The following MTCL1 variants were observed in gnomAD, a reference collection of about 807,000 sequenced individuals.
MTCL1 encodes the protein microtubule cross-linking factor 1.
MTCL1 carries 79 observed loss-of-function variants against 141.4 expected under a neutral mutation model. The observed-to-expected ratio is 0.56, with a 90% CI of 0.47 to 0.67. MTCL1 has a LOEUF of 0.67. Ranked by LOEUF, MTCL1 falls within the 30% of genes least tolerant of loss-of-function variation. The pLI, the probability that MTCL1 is intolerant of heterozygous loss-of-function variation, is 0.00. For missense variants in MTCL1, 2,177 were observed against 2,113.9 expected, an observed-to-expected ratio of 1.03 and a Z score of -0.59; for synonymous variants, 914 against 875.8, an observed-to-expected ratio of 1.04 and a Z score of -0.77.
At position 8,813,472 on chromosome 18, in the gene MTCL1, G is replaced by C. The variant is rs945670949; in HGVS notation, c.2859+239G>C. On this transcript the variant is annotated intron_variant, in intron 12 of 16. Coordinates refer to ENST00000359865, the Ensembl canonical transcript of MTCL1. ...GGTAACTCTCCTATGTGTACATGTG[G>C]TAGTGGCAGAGCAGGGTGGGTGGGG... 2.1e-5 allele frequency among the ~76,000 whole-genome samples: 3 copies of C among 142,322 alleles called. No homozygotes were observed. In the South Asian group the frequency reaches 7.8e-4, roughly 37 times the overall value. The allele number at this position is 142,322 out of a possible 152,430, so 93.4% of individuals were successfully genotyped here.
At chr18:8,803,152 T>C (rs2076176798) in intron 10 of MTCL1, among the ~76,000 whole-genome samples, 1 of 87,676 alleles carries the variant, frequency 1.1e-5, no homozygotes, top group South Asian at 3.0e-4. Context: ...TTCTGCAAGG[T>C]AAAGTTTAAA....
chr18:8,821,404 ACAT>A, intron 13 of MTCL1, 60 bp from the exon 13 acceptor site: 1 of 1,039,894 alleles, frequency 9.6e-7, no homozygotes. Context: ...TCACTTAAGT[ACAT>A]TCAGGGCTTC....
At chr18:8,807,058 C>A in exon 11 of MTCL1, 1 of 1,611,994 alleles carries the variant, frequency 6.2e-7, no homozygotes, top group Non-Finnish European at 8.5e-7. Flanking sequence ...CCGTCTGGAA[C>A]AGGTACCACC....
chr18:8,746,627 C>T (rs537778918), intron 4 of MTCL1, among the ~76,000 whole-genome samples: 1 of 152,210 alleles, frequency 6.6e-6, no homozygotes, highest in Admixed American at 6.5e-5. Context: ...TGCACGGAAG[C>T]CTTCTCTCGA....
chr18:8,786,063 T>C, exon 7 of MTCL1: 1 of 1,588,718 alleles, frequency 6.3e-7, no homozygotes, highest in Non-Finnish European at 8.6e-7. Flanking sequence ...AGCCACGGGC[T>C]GGGAGGCCAG....
At chr18:8,774,458 CTTTCTTTT>C (rs1329914558) in intron 4 of MTCL1, among the ~76,000 whole-genome samples, 2 of 151,736 alleles carry the variant, frequency 1.3e-5, no homozygotes, top group African/African-American at 4.8e-5. Flanking sequence ...TCTTTCTTTT[CTTTCTTTT>C]CTTTCTTTTC....
chr18:8,719,167 A>G (rs2096151164), intron 3 of MTCL1, among the ~76,000 whole-genome samples: 1 of 152,308 alleles, frequency 6.6e-6, no homozygotes, highest in South Asian at 2.1e-4. Context: ...CACTGGGAGA[A>G]GTGGGAATAA....
exon 1 of MTCL1, chr18:8,706,346 C>T: frequency 8.1e-7 from 1 of 1,230,556 alleles, no homozygotes; most frequent in Non-Finnish European, 1.0e-6. Context: ...CTGCTCCCTG[C>T]CGCCAGCAGC....
At chr18:8,826,064 A>C in exon 15 of MTCL1, 1 of 1,611,696 alleles carries the variant, frequency 6.2e-7, no homozygotes, top group Non-Finnish European at 8.5e-7. Flanking sequence ...AGCAGGACTT[A>C]TCTGCTCCCC....
chr18:8,778,183 T>C (rs1048298570), intron 5 of MTCL1, among the ~76,000 whole-genome samples: 3 of 152,226 alleles, frequency 2.0e-5, no homozygotes, highest in Non-Finnish European at 2.9e-5. Flanking sequence ...ACAGTACTTA[T>C]AAATGGTAAA....
intron 16 of MTCL1, chr18:8,829,981 C>A: frequency 1.0e-6 from 1 of 985,466 alleles, no homozygotes; most frequent in Non-Finnish European, 1.2e-6. Flanking sequence ...ACCAGCCAGG[C>A]GGAACGGGAT....
intron 1 of MTCL1, among the ~76,000 whole-genome samples, chr18:8,708,370 A>G (rs995007456): frequency 6.6e-6 from 1 of 152,172 alleles, no homozygotes; most frequent in Non-Finnish European, 1.5e-5. Flanking sequence ...TTTTTTCCCA[A>G]TGAATGAAAT....
chr18:8,767,638 A>G (rs939662008), intron 4 of MTCL1, among the ~76,000 whole-genome samples: 7 of 152,166 alleles, frequency 4.6e-5, no homozygotes, highest in Admixed American at 6.5e-5. Context: ...CCCGGGGTCC[A>G]TCAGTCTTGT....
intron 7 of MTCL1, chr18:8,786,738 G>A (rs772116096): frequency 4.4e-5 from 10 of 225,618 alleles, no homozygotes; most frequent in South Asian, 1.5e-4. Context: ...GGGGATCCCC[G>A]AGGAGCTGTT....
intron 2 of MTCL1, chr18:8,718,095 T>TCGCCG: frequency 2.9e-6 from 2 of 701,708 alleles, no homozygotes; most frequent in South Asian, 3.2e-5. Context: ...CAATGTTTGG[T>TCGCCG]TTGAATTGAA....
At chr18:8,759,742 A>G (rs2096420682) in intron 4 of MTCL1, among the ~76,000 whole-genome samples, 1 of 152,224 alleles carries the variant, frequency 6.6e-6, no homozygotes, top group African/African-American at 2.4e-5. Flanking sequence ...TCAACGTGTT[A>G]TTATAATAGA....
chr18:8,784,372 A>T lies in MTCL1; in HGVS notation c.1260A>T (p.Glu420Asp), dbSNP rs918272. 7,573 of 1,529,302 alleles carry T rather than the reference A, an allele frequency of 5.0e-3. 173 individuals carry two copies. The African/African-American group carries it at 0.066, about 13-fold the overall frequency. The allele number at this position is 1,529,302 out of a possible 1,614,324, so 94.7% of individuals were successfully genotyped here. ...TTGGCGGGGAGAGTGACTCGGAGGA[A>T]ATGTTTGAGAAGACGTCGGGCTTCG... is the stretch of plus-strand genomic sequence containing the variant. The change falls in exon 6 of 17, where the codon GAA (glutamate) becomes GAT (aspartate). Residue 420 changes from glutamate to aspartate, a missense_variant. Glu to Asp is a conservative substitution (Grantham distance 45). Transcript: ENST00000359865.
At chr18:8,746,095 A>G (rs1279293549) in intron 4 of MTCL1, among the ~76,000 whole-genome samples, 1 of 152,218 alleles carries the variant, frequency 6.6e-6, no homozygotes, top group East Asian at 1.9e-4. Flanking sequence ...TTAAGGCTAA[A>G]TAATATTCTA....
At chr18:8,829,743 T>C in intron 16 of MTCL1, 2 of 984,550 alleles carry the variant, frequency 2.0e-6, no homozygotes, top group Non-Finnish European at 2.4e-6. Flanking sequence ...ACAGGGAGGG[T>C]CAATTCCCAG....
Sources: gnomAD v4.1 joint callset for allele counts (sites outside exome capture counted in the v4.1 genomes callset) on GRCh38, gnomAD v4.1.1 for gene constraint, MANE v1.5 for transcripts, NCBI Gene and HGNC (gene_info 2026-07-23, HGNC 2026-07-21) for gene names.